The following KLHL3 variants were observed in gnomAD, a reference collection of about 807,000 sequenced individuals.
KLHL3 encodes the protein kelch like family member 3.
Under a neutral mutation model 70.5 loss-of-function variants are expected in KLHL3, and 19 were observed. That is an observed-to-expected ratio of 0.27 (90% CI 0.19 to 0.40). The LOEUF is 0.40. KLHL3 is among the 10% of genes least tolerant of loss of function. The probability of loss-of-function intolerance (pLI) is 1.00; values close to 1 mark genes in which losing one functional copy is unlikely to be tolerated. For missense variants in KLHL3, 512 were observed against 771.1 expected, an observed-to-expected ratio of 0.66 and a Z score of 3.98; for synonymous variants, 258 against 290.3, an observed-to-expected ratio of 0.89 and a Z score of 1.13.
At chr5:137,659,443 G>A (rs1280538904) in intron 7 of KLHL3, among the ~76,000 whole-genome samples, 1 of 152,194 alleles carries the variant, frequency 6.6e-6, no homozygotes, top group African/African-American at 2.4e-5. Flanking sequence ...GCAAGAGAAG[G>A]CCTCTGTGTA....
At chr5:137,655,702 G>C (rs903821651) in intron 8 of KLHL3, among the ~76,000 whole-genome samples, 1 of 152,122 alleles carries the variant, frequency 6.6e-6, no homozygotes, top group African/African-American at 2.4e-5. Context: ...CTACAAATAA[G>C]GCCAGGCACA....
chr5:137,637,894 C>T (rs1470159861), intron 10 of KLHL3, among the ~76,000 whole-genome samples: 1 of 152,188 alleles, frequency 6.6e-6, no homozygotes, highest in Non-Finnish European at 1.5e-5. Context: ...AGATACCATT[C>T]CCCTTTTTGA....
intron 5 of KLHL3, among the ~76,000 whole-genome samples, chr5:137,679,588 G>A (rs964633363): frequency 7.9e-5 from 12 of 152,284 alleles, no homozygotes; most frequent in African/African-American, 2.9e-4. Flanking sequence ...ATTTTGAAAG[G>A]GAAGATAAAG....
chr5:137,641,481 T>C (rs1346741866), intron 8 of KLHL3, among the ~76,000 whole-genome samples: 1 of 152,170 alleles, frequency 6.6e-6, no homozygotes, highest in Non-Finnish European at 1.5e-5. Flanking sequence ...CCATGCTCTG[T>C]ATGGATTTCC....
chr5:137,690,495 G>T (rs1450031017), intron 5 of KLHL3, among the ~76,000 whole-genome samples: 1 of 152,150 alleles, frequency 6.6e-6, no homozygotes, highest in Non-Finnish European at 1.5e-5. Flanking sequence ...GAGAGCACAG[G>T]AACGGCAGAG....
intron 5 of KLHL3, among the ~76,000 whole-genome samples, chr5:137,679,922 CAAAG>C (rs1341964636): frequency 5.3e-5 from 8 of 152,336 alleles, no homozygotes; most frequent in South Asian, 2.1e-4. Context: ...CAGAAAGAGA[CAAAG>C]AAAGCAATCA....
Position 137,722,630 on chromosome 5 carries a change from A to C in KLHL3, c.15-2046T>G, listed in dbSNP as rs566146821. Among the ~76,000 whole-genome samples, 146 of 152,260 alleles carry C rather than the reference A, an allele frequency of 9.6e-4. 1 individual carries two copies. The highest frequency in any genetic ancestry group is 3.4e-3 in the Middle Eastern group (1 of 294). On this transcript the variant is annotated intron_variant, in intron 1 of 14. Transcript: ENST00000309755. Reference sequence around the variant, plus strand: ...AATGTTAACTTCTATGTTCTACTAAAGGTTTAACATTTTTGCTTTTGGTAT... The same window carrying C: ...AATGTTAACTTCTATGTTCTACTAACGGTTTAACATTTTTGCTTTTGGTAT...
intron 8 of KLHL3, among the ~76,000 whole-genome samples, chr5:137,645,662 C>G (rs961703627): frequency 6.6e-6 from 1 of 151,734 alleles, no homozygotes; most frequent in Non-Finnish European, 1.5e-5. Flanking sequence ...GAAGAGGACA[C>G]AAATAAATGG....
intron 3 of KLHL3, among the ~76,000 whole-genome samples, chr5:137,708,016 A>G (rs1752718512): frequency 6.6e-6 from 1 of 152,146 alleles, no homozygotes; most frequent in African/African-American, 2.4e-5. Flanking sequence ...ATTTTAAAAT[A>G]GAGATTGATG....
chr5:137,672,322 A>G (rs565918194), intron 6 of KLHL3, among the ~76,000 whole-genome samples: 1 of 152,314 alleles, frequency 6.6e-6, no homozygotes, highest in South Asian at 2.1e-4. Flanking sequence ...CCTTGCTGGA[A>G]AGGCAAGGAA....
Position 137,720,754 on chromosome 5 carries a change from A to C in KLHL3, c.15-170T>G, listed in dbSNP as rs573460113. On this transcript the variant is annotated intron_variant, in intron 1 of 14. Transcript: ENST00000309755. ...TACTGGGAATTTCTTCATATCTTCC[A>C]AAGCAAAGTGCATTCCTCTGAAGGA... 3.8e-5 allele frequency: 55 copies of C among 1,437,482 alleles called. 1 individual carries two copies. In the African/African-American group the frequency reaches 7.3e-4, roughly 19 times the overall value. 89.0% of individuals were successfully genotyped at this position (1,437,482 alleles called of 1,614,324 possible).
At chr5:137,712,613 T>C (rs1381741927) in intron 2 of KLHL3, among the ~76,000 whole-genome samples, 1 of 152,176 alleles carries the variant, frequency 6.6e-6, no homozygotes, top group Non-Finnish European at 1.5e-5. Context: ...AGCACTCCTA[T>C]TCAATTTACC....
Position 137,620,337 on chromosome 5 carries a change from T to C in KLHL3, c.*1761A>G, listed in dbSNP as rs1057200942. On this transcript the variant is annotated 3_prime_UTR_variant, in exon 15 of 15. Coordinates refer to ENST00000309755, the MANE Select transcript of KLHL3 (RefSeq NM_017415.3). ...TTGCACATTTAGGGCACAATAAATA[T>C]ACAGTAAATACACAAAGTGGCTCAC... 2 of 152,232 alleles carry C rather than the reference T, an allele frequency of 1.3e-5. No individual in the cohort carries two copies. Among genetic ancestry groups the C allele is most frequent in the African/African-American group, 4.8e-5 (2 of 41,448 alleles). 9.4% of individuals were successfully genotyped at this position (152,232 alleles called of 1,614,324 possible).
chr5:137,622,609 AC>A (rs1295910658), intron 14 of KLHL3, among the ~76,000 whole-genome samples: 2 of 152,242 alleles, frequency 1.3e-5, no homozygotes, highest in East Asian at 3.8e-4. Context: ...CCACCAGTCA[AC>A]CTGCACTATG....
At chr5:137,636,680 T>A (rs958636004) in intron 11 of KLHL3, among the ~76,000 whole-genome samples, 1 of 151,538 alleles carries the variant, frequency 6.6e-6, no homozygotes, top group Non-Finnish European at 1.5e-5. Flanking sequence ...TTCACAAGGG[T>A]TTTGCAAACA....
chr5:137,703,894 C>A (rs1055313242), intron 3 of KLHL3, among the ~76,000 whole-genome samples: 1 of 151,766 alleles, frequency 6.6e-6, no homozygotes, highest in Non-Finnish European at 1.5e-5. Flanking sequence ...AAAAATCAAC[C>A]CTAATCACCT....
In KLHL3 at chr5:137,735,790, C is replaced by T; in HGVS notation, c.-144G>A. 2 of 1,051,326 alleles carry T rather than the reference C, an allele frequency of 1.9e-6. No individual in the cohort carries two copies. Among genetic ancestry groups the T allele is most frequent in the Non-Finnish European group, 3.0e-6 (2 of 675,680 alleles). The allele number at this position is 1,051,326 out of a possible 1,614,324, so 65.1% of individuals were successfully genotyped here. A position where few individuals can be genotyped will look rare whatever the true frequency, so the allele number is the denominator to read the frequency against. On this transcript the variant is annotated 5_prime_UTR_variant, in exon 1 of 15. Transcript: ENST00000309755. ...CATGGCTGCAAGTGAAGCCTCCTCC[C>T]TTCTCAATCCTCCTTCCTCTGACTT...
chr5:137,670,152 A>G (rs1751716607), intron 6 of KLHL3, among the ~76,000 whole-genome samples: 1 of 152,228 alleles, frequency 6.6e-6, no homozygotes, highest in African/African-American at 2.4e-5. Flanking sequence ...CCCTAGACTC[A>G]TGCCACATAA....
intron 5 of KLHL3, among the ~76,000 whole-genome samples, chr5:137,691,155 T>C (rs957897409): frequency 3.9e-5 from 6 of 152,172 alleles, no homozygotes; most frequent in African/African-American, 1.4e-4. Context: ...AACCAACAGA[T>C]TATCTGATGT....
Sources: gnomAD v4.1 joint callset for allele counts (sites outside exome capture counted in the v4.1 genomes callset) on GRCh38, gnomAD v4.1.1 for gene constraint, MANE v1.5 for transcripts, NCBI Gene and HGNC (gene_info 2026-07-23, HGNC 2026-07-21) for gene names.